Variants in CFAP97D2 observed in about 807,000 individuals in gnomAD.
CFAP97D2 encodes the protein uncharacterized protein CFAP97D2.
chr13:114,179,751 A>C lies in CFAP97D2; in HGVS notation c.90+331A>C, dbSNP rs1447985821. On this transcript the variant is annotated intron_variant, in intron 1 of 4. Transcript: ENST00000646158. This position sits in a 1 kb window ranked among gnomAD's most constrained non-coding sequence, Gnocchi z 4.8. ...TGACTTGAAAGCATCTTAAGACAAA[A>C]ACACCAGAAGCATCCTTTTCTTTTT... 2.0e-5 allele frequency among the ~76,000 whole-genome samples: 3 copies of C among 152,188 alleles called. No individual in the cohort carries two copies. Among genetic ancestry groups the C allele is most frequent in the African/African-American group, 7.2e-5 (3 of 41,438 alleles).
chr13:114,194,978 T>C (rs2080880679), intron 1 of CFAP97D2, among the ~76,000 whole-genome samples: 1 of 152,204 alleles, frequency 6.6e-6, no homozygotes. Context: ...CACCACCTTC[T>C]CTGTCTTAGT....
intron 1 of CFAP97D2, among the ~76,000 whole-genome samples, chr13:114,180,979 C>G (rs1236429439): frequency 6.6e-6 from 1 of 152,178 alleles, no homozygotes; most frequent in African/African-American, 2.4e-5. Context: ...CATGAGGCCC[C>G]AGGGGGCATA....
chr13:114,213,547 C>G (rs2080978919), intron 4 of CFAP97D2, among the ~76,000 whole-genome samples: 1 of 141,778 alleles, frequency 7.1e-6, no homozygotes, highest in East Asian at 2.2e-4. Context: ...AGCTCCAGCA[C>G]CATGAACCCC....
At chr13:114,204,489 A>G (rs1169736532) in intron 3 of CFAP97D2, among the ~76,000 whole-genome samples, 1 of 152,224 alleles carries the variant, frequency 6.6e-6, no homozygotes, top group Non-Finnish European at 1.5e-5. Flanking sequence ...AGATAGTATT[A>G]CACTGGCATT....
At chr13:114,221,404 G>A (rs1368814993) in intron 4 of CFAP97D2, among the ~76,000 whole-genome samples, 2 of 152,220 alleles carry the variant, frequency 1.3e-5, no homozygotes, top group Non-Finnish European at 1.5e-5. Flanking sequence ...CTGCATTTCA[G>A]AAAGATGTTT....
At position 114,198,674 on chromosome 13, in the gene CFAP97D2, G is replaced by A. The variant is rs533999532; in HGVS notation, c.172-1651G>A. The stretch of plus-strand genomic sequence containing the variant: ...CCGTGTTTACGGTCCCCGCTGAGGC[G>A]TGACAGTGGGTCCCCGTGCGTACGG... On this transcript the variant is annotated intron_variant, in intron 2 of 4. Transcript: ENST00000646158. Among the ~76,000 whole-genome samples, 11 of 122,122 alleles carry A rather than the reference G, an allele frequency of 9.0e-5. 1 individual carries two copies. The East Asian group carries it at 1.8e-3, about 20-fold the overall frequency. 80.1% of individuals were successfully genotyped at this position (122,122 alleles called of 152,430 possible). A position where few individuals can be genotyped will look rare whatever the true frequency, so the allele number is the denominator to read the frequency against.
intron 4 of CFAP97D2, chr13:114,214,211 G>A (rs1395785972): frequency 2.0e-5 from 3 of 152,162 alleles, no homozygotes; most frequent in Non-Finnish European, 4.4e-5. Context: ...TTCCATGCTT[G>A]GTACAACATC....
At chr13:114,194,471 G>A (rs1349448537) in intron 1 of CFAP97D2, among the ~76,000 whole-genome samples, 1 of 152,134 alleles carries the variant, frequency 6.6e-6, no homozygotes, top group Non-Finnish European at 1.5e-5. Context: ...AAAGATGTAC[G>A]ACCAGTGGCA....
intron 3 of CFAP97D2, among the ~76,000 whole-genome samples, chr13:114,200,735 A>G (rs1194634162): frequency 6.6e-6 from 1 of 152,172 alleles, no homozygotes; most frequent in Non-Finnish European, 1.5e-5. Flanking sequence ...TTGACTCAGA[A>G]CCCTCACAGG....
intron 4 of CFAP97D2, among the ~76,000 whole-genome samples, chr13:114,217,239 T>C (rs1354219656): frequency 2.6e-5 from 4 of 152,184 alleles, no homozygotes; most frequent in Non-Finnish European, 5.9e-5. Flanking sequence ...CATCAGAGAA[T>C]ACTATAAACA....
chr13:114,202,194 C>T (rs1272213967), intron 3 of CFAP97D2, among the ~76,000 whole-genome samples: 1 of 152,212 alleles, frequency 6.6e-6, no homozygotes, highest in Non-Finnish European at 1.5e-5. Context: ...TTTATCCATT[C>T]ACCTGTTGAT....
At chr13:114,192,472 T>G (rs1341239073) in intron 1 of CFAP97D2, among the ~76,000 whole-genome samples, 1 of 152,206 alleles carries the variant, frequency 6.6e-6, no homozygotes, top group Non-Finnish European at 1.5e-5. Context: ...AATTGGCTTC[T>G]GAAGAGAAAG....
At chr13:114,219,427 A>G (rs189142889) in intron 4 of CFAP97D2, among the ~76,000 whole-genome samples, 77 of 152,346 alleles carry the variant, frequency 5.1e-4, no homozygotes, top group African/African-American at 1.6e-3. Context: ...CAGTGCTTGC[A>G]ACCAATGTTT....
chr13:114,222,730 G>A (rs1020454077), downstream of CFAP97D2: 1 of 390,296 alleles, frequency 2.6e-6, no homozygotes, highest in Admixed American at 4.5e-5. This position sits in a 1 kb window ranked among gnomAD's most constrained non-coding sequence, Gnocchi z 4.4. Context: ...CAGCCCCGCT[G>A]TCTTCCTCTC....
intron 3 of CFAP97D2, among the ~76,000 whole-genome samples, chr13:114,204,362 A>T (rs1314291363): frequency 6.6e-6 from 1 of 152,174 alleles, no homozygotes; most frequent in Non-Finnish European, 1.5e-5. Flanking sequence ...AGAAAGGCAG[A>T]CTTGTCGCTT....
chr13:114,196,186 T>TA (rs2080886464), intron 1 of CFAP97D2, among the ~76,000 whole-genome samples: 1 of 151,950 alleles, frequency 6.6e-6, no homozygotes, highest in South Asian at 2.1e-4. Flanking sequence ...TTCTGTCTTT[T>TA]AAAAGGGCAA....
intron 4 of CFAP97D2, among the ~76,000 whole-genome samples, chr13:114,213,879 A>T (rs1316141635): frequency 1.6e-5 from 1 of 63,512 alleles, no homozygotes; most frequent in South Asian, 5.9e-4. Flanking sequence ...CACAAACCCC[A>T]CCCCTATGGA....
rs1006860052 is a variant in CFAP97D2 at position 114,221,226 on chromosome 13, G to A, written c.481-1272G>A. Among the ~76,000 whole-genome samples, 9 of 152,172 alleles carry A rather than the reference G, an allele frequency of 5.9e-5. No individual in the cohort carries two copies. The East Asian group carries it at 7.7e-4, about 13-fold the overall frequency. On this transcript the variant is annotated intron_variant, in intron 4 of 4. Transcript: ENST00000646158. The stretch of plus-strand genomic sequence containing the variant: ...CGCGCCACTGCACTCCAGCTTAGGC[G>A]ACAGAGCGAGACTACGTCTCAAAAA...
In CFAP97D2 at chr13:114,189,856, C is replaced by T. The variant is rs528533584; in HGVS notation, c.91-6540C>T. On this transcript the variant is annotated intron_variant, in intron 1 of 4. Coordinates refer to ENST00000646158, the Ensembl canonical transcript of CFAP97D2. This position sits in a 1 kb window ranked among gnomAD's most constrained non-coding sequence, Gnocchi z 4.5. ...ACTTTCTCAACTTGATAAAGAATAT[C>T]TCCAGGCTGGGCATGGTGGCTCGCC... Among the ~76,000 whole-genome samples the T allele has an allele frequency of 7.9e-5, 12 of 152,260 alleles. No individual in the cohort carries two copies. The highest frequency in any genetic ancestry group is 2.6e-4 in the African/African-American group (11 of 41,558).
Sources: allele counts gnomAD v4.1 joint callset (sites outside exome capture counted in the v4.1 genomes callset), GRCh38; gene constraint gnomAD v4.1.1; non-coding constraint Gnocchi (gnomAD v3.1); transcripts MANE v1.5; gene names NCBI Gene and HGNC (gene_info 2026-07-23, HGNC 2026-07-21).